TXNDC12: variants seen among roughly 807,000 people sequenced by gnomAD.
The protein encoded by TXNDC12 is thioredoxin domain containing 12.
TXNDC12 carries 22 observed loss-of-function variants against 24.2 expected under a neutral mutation model. The observed-to-expected ratio is 0.91, with a 90% CI of 0.65 to 1.30. The LOEUF is 1.30. Among genes scored for constraint, TXNDC12 ranks in the 50% most tolerant of loss-of-function variants. The pLI is 0.00. For missense variants in TXNDC12, 184 were observed against 205.8 expected, an observed-to-expected ratio of 0.89 and a Z score of 0.65; for synonymous variants, 58 against 73.4, an observed-to-expected ratio of 0.79 and a Z score of 1.07.
At chr1:52,044,797 A>C (rs1355721419) in intron 1 of TXNDC12, among the ~76,000 whole-genome samples, 1 of 152,118 alleles carries the variant, frequency 6.6e-6, no homozygotes. Context: ...AACATGGTGA[A>C]ACCCTGTCTC....
At chr1:52,051,189 T>C (rs1281578484) in intron 1 of TXNDC12, among the ~76,000 whole-genome samples, 2 of 152,204 alleles carry the variant, frequency 1.3e-5, no homozygotes, top group African/African-American at 2.4e-5. Context: ...CTTCTCCCCA[T>C]GGGTGATGTA....
intron 1 of TXNDC12, 142 bp downstream of exon 1, chr1:52,054,858 A>G (rs1376671935): frequency 3.3e-6 from 2 of 614,278 alleles, no homozygotes; most frequent in Non-Finnish European, 5.8e-6. Flanking sequence ...TTCAAACTCC[A>G]GGAGCGGTTG....
chr1:52,027,346 G>C lies in TXNDC12; in HGVS notation c.214C>G (p.Leu72Val). 1 of 1,611,050 alleles carries C rather than the reference G, an allele frequency of 6.2e-7. No individual in the cohort carries two copies. The highest frequency in any genetic ancestry group is 8.5e-7 in the Non-Finnish European group (1 of 1,177,748). The change falls in exon 4 of 7, where the codon CTA becomes GTA. Residue 72 changes from leucine (L) to valine (V), a missense_variant and splice_region_variant. Physicochemically the swap from Leu to Val is conservative, Grantham distance 32 (BLOSUM62 1). Coordinates refer to ENST00000371626, the MANE Select transcript of TXNDC12 (RefSeq NM_015913.4). The stretch of plus-strand genomic sequence containing the variant: ...GTAGATTCTGCAAATTTGGGCTTTA[G>C]AGCTGGGGGGAAAAAGATTTTGGAA... ...HKSWCGACKA[L>V]KPKFAESTEI...
intron 4 of TXNDC12, 35 bp downstream of exon 4, chr1:52,027,240 A>G (rs1239449672): frequency 6.6e-7 from 1 of 1,512,090 alleles, no homozygotes; most frequent in Non-Finnish European, 9.2e-7. Flanking sequence ...AAGTCTTAAA[A>G]TCATAGCAGA....
intron 2 of TXNDC12, chr1:52,033,729 G>C (rs370677444): frequency 6.2e-7 from 1 of 1,607,744 alleles, no homozygotes. Flanking sequence ...TCTTGCCGCT[G>C]TACGGCAGCC....
At chr1:52,040,477 G>A (rs1044521459) in intron 2 of TXNDC12, among the ~76,000 whole-genome samples, 8 of 151,960 alleles carry the variant, frequency 5.3e-5, no homozygotes, top group Non-Finnish European at 1.0e-4. Context: ...ATGAGCCACC[G>A]CACCCAGCCA....
At chr1:52,037,207 CTTTTT>C (rs34590025) in intron 2 of TXNDC12, among the ~76,000 whole-genome samples, 6 of 123,550 alleles carry the variant, frequency 4.9e-5, no homozygotes, top group African/African-American at 9.7e-5. Context: ...AATAGACCAC[CTTTTT>C]TTTTTTTTTT....
intron 2 of TXNDC12, among the ~76,000 whole-genome samples, chr1:52,036,299 G>A (rs1352157572): frequency 6.6e-6 from 1 of 152,060 alleles, no homozygotes; most frequent in African/African-American, 2.4e-5. Flanking sequence ...AAAAGAAAAT[G>A]TTATTAAGAA....
At chr1:52,043,136 A>G (rs1372987043) in intron 1 of TXNDC12, among the ~76,000 whole-genome samples, 1 of 152,108 alleles carries the variant, frequency 6.6e-6, no homozygotes, top group Non-Finnish European at 1.5e-5. Flanking sequence ...TACCTGTGCA[A>G]TTCCTTCCGT....
chr1:52,053,158 G>A (rs1331747282), intron 1 of TXNDC12, among the ~76,000 whole-genome samples: 1 of 152,106 alleles, frequency 6.6e-6, no homozygotes, highest in Non-Finnish European at 1.5e-5. Context: ...AGCTACTTGG[G>A]AGGCTGAGGC....
chr1:52,023,705 T>C, intron 5 of TXNDC12, 131 bp from the exon 6 acceptor site: 1 of 618,834 alleles, frequency 1.6e-6, no homozygotes, highest in Non-Finnish European at 2.9e-6. Flanking sequence ...CTCACCATAA[T>C]ACCTCCTACA....
chr1:52,024,372 TC>T, intron 5 of TXNDC12, 137 bp downstream of exon 5: 1 of 651,692 alleles, frequency 1.5e-6, no homozygotes, highest in Non-Finnish European at 2.7e-6. Flanking sequence ...CATTCAGAAC[TC>T]CCCCACTCTC....
Position 52,055,018 on chromosome 1 carries a change from G to A in TXNDC12, c.79C>T (p.His27Tyr), listed in dbSNP as rs1054895594. The part of the protein sequence containing the change: ...FLLLVISSDG[H>Y]NGLGKGFGDH... ...GTCTGACCCTTTCCAAGCCCATTAT[G>A]TCCATCAGAAGAGATGACGAGGAGC... The change falls in exon 1 of 7, where the codon CAT (histidine) becomes TAT (tyrosine). Residue 27 changes from histidine (H) to tyrosine (Y), a missense_variant. By Grantham distance (83) the His-to-Tyr change is moderately conservative. Coordinates refer to ENST00000371626, the MANE Select transcript of TXNDC12 (RefSeq NM_015913.4). The A allele has an allele frequency of 1.2e-6, 2 of 1,613,828 alleles. No individual in the cohort carries two copies. Among genetic ancestry groups the A allele is most frequent in the Admixed American group, 3.3e-5 (2 of 60,018 alleles).
chr1:52,054,458 A>G (rs1686284623), intron 1 of TXNDC12, among the ~76,000 whole-genome samples: 1 of 151,916 alleles, frequency 6.6e-6, no homozygotes, highest in African/African-American at 2.4e-5. Flanking sequence ...AACCACAGCA[A>G]GGACAATTGT....
At chr1:52,041,672 C>T in intron 1 of TXNDC12, 75 bp from the exon 2 acceptor site, 2 of 958,668 alleles carry the variant, frequency 2.1e-6, no homozygotes, top group Non-Finnish European at 3.2e-6. Context: ...TGTGCATGTT[C>T]ACAAGATACC....
upstream of TXNDC12, chr1:52,055,300 C>T (rs1686318561): frequency 5.5e-6 from 3 of 548,568 alleles, no homozygotes; most frequent in Non-Finnish European, 9.9e-6. Flanking sequence ...CTTAAAGGTG[C>T]AGATCACGTA....
intron 2 of TXNDC12, among the ~76,000 whole-genome samples, chr1:52,035,299 G>C (rs529423516): frequency 6.6e-6 from 1 of 152,184 alleles, no homozygotes; most frequent in African/African-American, 2.4e-5. Flanking sequence ...CCACTTACTA[G>C]TGTTGTAACT....
rs545329809 is a variant in TXNDC12, at chr1:52,048,866, ATAAT to A, written c.97+6130_97+6133del. ...AGTGAGACTCTGTCTCAAAAAAATA[ATAAT>A]TAATTAATTAATTAAAATAAATTCT... On this transcript the variant is annotated intron_variant, in intron 1 of 6. Transcript: ENST00000371626. Among the ~76,000 whole-genome samples, 1,308 of 152,062 alleles carry A rather than the reference ATAAT, an allele frequency of 8.6e-3. 13 individuals carry two copies. The highest frequency in any genetic ancestry group is 9.9e-3 in the Non-Finnish European group (673 of 67,994).
chr1:52,054,837 C>T (rs952208489), intron 1 of TXNDC12, among the ~76,000 whole-genome samples, 163 bp downstream of exon 1: 1 of 152,164 alleles, frequency 6.6e-6, no homozygotes, highest in Non-Finnish European at 1.5e-5. Context: ...TACTCTCTAC[C>T]CCAAGAAATC....
Sources: gnomAD v4.1 joint callset for allele counts (sites outside exome capture counted in the v4.1 genomes callset) on GRCh38, gnomAD v4.1.1 for gene constraint, MANE v1.5 for transcripts, NCBI Gene and HGNC (gene_info 2026-07-23, HGNC 2026-07-21) for gene names.